SLC35F1: variants seen among roughly 807,000 people sequenced by gnomAD.
The protein encoded by SLC35F1 is chromosome 6 open reading frame 169.
SLC35F1 carries 14 observed loss-of-function variants against 48.7 expected under a neutral mutation model. The observed-to-expected ratio is 0.29, with a 90% CI of 0.19 to 0.45. The LOEUF is 0.45. SLC35F1 is among the 20% of genes least tolerant of loss of function. The pLI is 1.00. For missense variants in SLC35F1, 404 were observed against 500.0 expected (o/e 0.81, Z 1.83); for synonymous variants, 190 against 202.2 (o/e 0.94, Z 0.51).
chr6:118,150,748 T>C (rs560622215), intron 1 of SLC35F1, among the ~76,000 whole-genome samples: 1 of 152,338 alleles, frequency 6.6e-6, no homozygotes, highest in South Asian at 2.1e-4. Flanking sequence ...TAGGATAAGC[T>C]AAATTAATTT....
chr6:118,255,445 C>A (rs922182346), intron 3 of SLC35F1, among the ~76,000 whole-genome samples: 10 of 152,188 alleles, frequency 6.6e-5, no homozygotes, highest in African/African-American at 2.4e-4. Flanking sequence ...CAAGGAGGAT[C>A]TTGCCCCCAG....
chr6:118,056,790 G>A (rs1349447956), intron 1 of SLC35F1, among the ~76,000 whole-genome samples: 1 of 152,090 alleles, frequency 6.6e-6, no homozygotes, highest in Non-Finnish European at 1.5e-5. Flanking sequence ...CATTATCTTG[G>A]TAATTAATGC....
At chr6:118,272,729 A>G (rs539290516) in intron 4 of SLC35F1, among the ~76,000 whole-genome samples, 37 of 138,424 alleles carry the variant, frequency 2.7e-4, no homozygotes, top group African/African-American at 1.0e-3. Flanking sequence ...AAAAATATAT[A>G]TGTGTGTGTA....
intron 1 of SLC35F1, among the ~76,000 whole-genome samples, chr6:118,090,129 G>C (rs894074693): frequency 6.6e-6 from 1 of 152,144 alleles, no homozygotes; most frequent in Admixed American, 6.5e-5. Flanking sequence ...AATCTCTCTA[G>C]GGCAACTGCT....
intron 1 of SLC35F1, among the ~76,000 whole-genome samples, chr6:117,944,586 T>TACAC (rs373551582): frequency 0.14 from 19,989 of 146,096 alleles, 1,624 homozygotes; most frequent in South Asian, 0.25. Context: ...AACACACACA[T>TACAC]ACACATACAC....
chr6:117,945,382 T>C (rs1776284067), intron 1 of SLC35F1, among the ~76,000 whole-genome samples: 1 of 152,224 alleles, frequency 6.6e-6, no homozygotes, highest in South Asian at 2.1e-4. Context: ...ATTTATTCAG[T>C]ACTTGCTACA....
At chr6:117,920,878 T>A (rs950991666) in intron 1 of SLC35F1, among the ~76,000 whole-genome samples, 2 of 152,084 alleles carry the variant, frequency 1.3e-5, no homozygotes, top group Non-Finnish European at 2.9e-5. Context: ...ATCTTGACCT[T>A]TTGTGTCCTA....
chr6:118,209,050 C>T (rs1375102922), intron 2 of SLC35F1, among the ~76,000 whole-genome samples: 4 of 152,192 alleles, frequency 2.6e-5, no homozygotes, highest in Admixed American at 2.6e-4. Flanking sequence ...GGTCCTGCCC[C>T]ATACCTGAAG....
chr6:118,283,156 T>G (rs1009974990), intron 6 of SLC35F1, among the ~76,000 whole-genome samples: 1 of 152,162 alleles, frequency 6.6e-6, no homozygotes, highest in Non-Finnish European at 1.5e-5. Flanking sequence ...GTGGCCTTGG[T>G]CAGCATCTGG....
intron 1 of SLC35F1, among the ~76,000 whole-genome samples, chr6:118,078,325 G>A (rs1772852384): frequency 1.3e-5 from 2 of 152,144 alleles, no homozygotes; most frequent in Admixed American, 6.5e-5. Context: ...ATGGAATTTG[G>A]GGGCAGCAAT....
intron 1 of SLC35F1, among the ~76,000 whole-genome samples, chr6:117,932,166 G>T (rs190567554): frequency 1.1e-4 from 16 of 152,238 alleles, no homozygotes; most frequent in Admixed American, 2.6e-4. Context: ...GCACCATCTT[G>T]GAAGCAGAGA....
chr6:118,261,742 T>C (rs1424668487), intron 3 of SLC35F1, among the ~76,000 whole-genome samples: 1 of 152,148 alleles, frequency 6.6e-6, no homozygotes, highest in East Asian at 1.9e-4. Context: ...GGAGGGGGGC[T>C]GTAGCAGCTG....
At chr6:118,195,294 C>T (rs544876204) in intron 2 of SLC35F1, among the ~76,000 whole-genome samples, 1 of 152,246 alleles carries the variant, frequency 6.6e-6, no homozygotes, top group South Asian at 2.1e-4. Context: ...TTGGGGAGCC[C>T]TCATTTTTAA....
At chr6:118,135,137 A>C (rs1441633752) in intron 1 of SLC35F1, among the ~76,000 whole-genome samples, 1 of 152,226 alleles carries the variant, frequency 6.6e-6, no homozygotes, top group Non-Finnish European at 1.5e-5. Context: ...CATTTTGTAA[A>C]GAATACTGCC....
intron 1 of SLC35F1, among the ~76,000 whole-genome samples, chr6:118,054,375 T>A (rs1306998734): frequency 6.6e-6 from 1 of 152,230 alleles, no homozygotes; most frequent in Non-Finnish European, 1.5e-5. Context: ...AAAAGGGTAC[T>A]GTTTTAGTCA....
chr6:118,297,687 T>C (rs188216000), intron 7 of SLC35F1, among the ~76,000 whole-genome samples: 2 of 113,930 alleles, frequency 1.8e-5, no homozygotes, highest in Non-Finnish European at 3.6e-5. Flanking sequence ...CTGAGAAATA[T>C]ATATTATATA....
intron 7 of SLC35F1, among the ~76,000 whole-genome samples, chr6:118,309,786 C>T (rs1776352667): frequency 6.6e-6 from 1 of 152,160 alleles, no homozygotes; most frequent in Non-Finnish European, 1.5e-5. Context: ...AACCAAATAG[C>T]AATCAAACTG....
intron 1 of SLC35F1, among the ~76,000 whole-genome samples, chr6:118,137,277 G>A (rs1360861101): frequency 1.3e-5 from 2 of 152,190 alleles, no homozygotes; most frequent in East Asian, 3.9e-4. Flanking sequence ...AGGAAAAGAG[G>A]AGTTGTTAAG....
At chr6:118,300,078 C>G (rs1240736657) in intron 7 of SLC35F1, among the ~76,000 whole-genome samples, 2 of 152,124 alleles carry the variant, frequency 1.3e-5, no homozygotes, top group African/African-American at 4.8e-5. Context: ...CCTCTGTATC[C>G]ATGGGTTCCA....
Sources: gnomAD v4.1 joint callset for allele counts (sites outside exome capture counted in the v4.1 genomes callset) on GRCh38, gnomAD v4.1.1 for gene constraint, MANE v1.5 for transcripts, NCBI Gene and HGNC (gene_info 2026-07-23, HGNC 2026-07-21) for gene names.